The following ITFG2 variants were observed in gnomAD, a reference collection of about 807,000 sequenced individuals.
ITFG2 encodes KICSTOR complex protein ITFG2.
A neutral mutation model predicts 54.4 loss-of-function variants in ITFG2; 36 were observed. The ratio of observed to expected loss-of-function variants is 0.66; its 90% CI spans 0.51 to 0.87. ITFG2 has a LOEUF of 0.87. ITFG2 is among the 40% of genes least tolerant of loss of function. The probability of loss-of-function intolerance (pLI) is 0.00; values close to 1 mark genes in which losing one functional copy is unlikely to be tolerated. For synonymous variants in ITFG2, 211 were observed against 225.4 expected (o/e 0.94, Z 0.57); for missense variants, 524 against 576.7 (o/e 0.91, Z 0.94).
intron 2 of ITFG2, among the ~76,000 whole-genome samples, chr12:2,847,697 A>G (rs1603486448): frequency 6.7e-6 from 1 of 149,850 alleles, no homozygotes; most frequent in Non-Finnish European, 1.5e-5. Context: ...CAAAAAAATC[A>G]CTGACTCCCC....
chr12:2,813,704 C>G (rs1317334562), intron 1 of ITFG2, among the ~76,000 whole-genome samples: 2 of 152,114 alleles, frequency 1.3e-5, no homozygotes, highest in Non-Finnish European at 1.5e-5. Flanking sequence ...TACCCTCTGC[C>G]CTATCTTCCT....
chr12:2,838,948 G>A (rs1215030320), intron 1 of ITFG2, among the ~76,000 whole-genome samples: 2 of 151,774 alleles, frequency 1.3e-5, no homozygotes, highest in East Asian at 3.9e-4. Context: ...GCCCATGACA[G>A]CTCAGTCTCC....
chr12:2,827,468 T>C, downstream of ITFG2: 1 of 985,388 alleles, frequency 1.0e-6, no homozygotes, highest in Non-Finnish European at 1.2e-6. The surrounding 1 kb of genome is among the most constrained non-coding windows in gnomAD (Gnocchi z 4.0). Flanking sequence ...GTTCTCTTGA[T>C]TTTTCACTTG....
Position 2,820,074 on chromosome 12 carries a change from T to G in ITFG2, c.407-12T>G, listed in dbSNP as rs1222316702. On this transcript the variant is annotated splice_polypyrimidine_tract_variant and intron_variant, in intron 4 of 11. Transcript: ENST00000228799. The stretch of plus-strand genomic sequence containing the variant: ...GGGACTCCAGAGCCCATCTTGTCTT[T>G]CATGCCCACAGATGGAGATGGGTGT... 1 of 1,598,908 alleles carries G rather than the reference T, an allele frequency of 6.3e-7. No homozygotes were observed. Among genetic ancestry groups the G allele is most frequent in the African/African-American group, 1.3e-5 (1 of 74,444 alleles).
At chr12:2,820,660 C>CCCCCGGGGG in intron 5 of ITFG2, 64 bp from the exon 6 acceptor site, 1 of 1,227,972 alleles carries the variant, frequency 8.1e-7, no homozygotes, top group Non-Finnish European at 1.2e-6. Context: ...CGCCCCCTGC[C>CCCCCGGGGG]GTTCTCTGCA....
Position 2,824,278 on chromosome 12 carries a change from G to T in ITFG2, c.*85G>T. 7.5e-7 allele frequency: 1 copy of T among 1,341,454 alleles called. No homozygotes were observed. The highest frequency in any genetic ancestry group is 1.2e-5 in the South Asian group (1 of 84,602). The allele number at this position is 1,341,454 out of a possible 1,614,324, so 83.1% of individuals were successfully genotyped here. On this transcript the variant is annotated 3_prime_UTR_variant, in exon 12 of 12. Transcript: ENST00000228799. ...GTATCTGTGGTATTGGCAGGATAGG[G>T]AATATGCATTACAGAAATGCAGGAT...
intron 2 of ITFG2, chr12:2,830,707 C>T (rs1301943915): frequency 6.2e-7 from 1 of 1,609,292 alleles, no homozygotes; most frequent in Non-Finnish European, 8.5e-7. Context: ...AGGCCTCTCA[C>T]CTTGCAGTTG....
chr12:2,832,559 C>G (rs535566142), upstream of ITFG2, among the ~76,000 whole-genome samples: 1 of 152,004 alleles, frequency 6.6e-6, no homozygotes, highest in South Asian at 2.1e-4. Context: ...AGGATGTACC[C>G]TCTCCAGGAT....
intron 2 of ITFG2, among the ~76,000 whole-genome samples, chr12:2,848,377 G>A (rs1333785524): frequency 6.6e-6 from 1 of 152,158 alleles, no homozygotes; most frequent in Non-Finnish European, 1.5e-5. Context: ...ACACCATTCT[G>A]ACTGTTGCTT....
chr12:2,850,405 A>G (rs1268212768), intron 2 of ITFG2, among the ~76,000 whole-genome samples: 1 of 141,124 alleles, frequency 7.1e-6, no homozygotes, highest in Non-Finnish European at 1.5e-5. Context: ...ACCCGGGAGG[A>G]GGAGGTTGCA....
At chr12:2,819,757 GA>G (rs112425431) in intron 4 of ITFG2, 6,299 of 180,196 alleles carry the variant, frequency 0.035, 14 homozygotes, top group Middle Eastern at 0.053. Flanking sequence ...AACATTTGGT[GA>G]AAAAAAAAAA....
In ITFG2 at chr12:2,848,329, A is replaced by C. The variant is rs114853668; in HGVS notation, n.300+7334A>C. ...CTTCTTCCCCTCCAGCCACCTTCCC[A>C]TCACCCTCCCCAACCATCTCCACCC... On this transcript the variant is annotated intron_variant and non_coding_transcript_variant, in intron 2 of 3. Coordinates refer to the ITFG2 transcript ENST00000537710. 5.2e-3 allele frequency among the ~76,000 whole-genome samples: 793 copies of C among 152,136 alleles called. 9 individuals are homozygous for C. Among genetic ancestry groups the C allele is most frequent in the African/African-American group, 0.017 (706 of 41,514 alleles).
At chr12:2,834,555 C>T, upstream of ITFG2, 1 of 1,502,160 alleles carries the variant, frequency 6.7e-7, no homozygotes. Context: ...TGAGGGTCTG[C>T]ACTTTCTGGT....
At chr12:2,839,788 A>G (rs2098036615) in intron 1 of ITFG2, among the ~76,000 whole-genome samples, 1 of 152,216 alleles carries the variant, frequency 6.6e-6, no homozygotes, top group African/African-American at 2.4e-5. Flanking sequence ...AAATAACAAA[A>G]TCATGTCCTC....
chr12:2,847,556 A>T (rs1486412520), intron 2 of ITFG2, among the ~76,000 whole-genome samples: 1 of 151,730 alleles, frequency 6.6e-6, no homozygotes, highest in Non-Finnish European at 1.5e-5. Context: ...AGTCCCAGCT[A>T]CTCGGGAGGC....
At position 2,824,068 on chromosome 12, in the gene ITFG2, C is replaced by T. The variant is rs551951611; in HGVS notation, c.1241-22C>T. The T allele has an allele frequency of 8.7e-6, 14 of 1,614,008 alleles. 1 individual carries two copies. The South Asian group carries it at 1.4e-4, about 16-fold the overall frequency. On this transcript the variant is annotated intron_variant, in intron 11 of 11. Coordinates refer to ENST00000228799, the MANE Select transcript of ITFG2 (RefSeq NM_018463.4). ...TGCCCAGGAGACCCACAGCCTCTTA[C>T]CCACCCCTTCTTGGCTCTCAGATCC... is the stretch of plus-strand genomic sequence containing the variant.
intron 2 of ITFG2, chr12:2,855,373 G>A: frequency 3.1e-6 from 4 of 1,278,868 alleles, no homozygotes; most frequent in Non-Finnish European, 4.1e-6. Context: ...GAACTCCCAG[G>A]ACTCGCTGGG....
At chr12:2,819,141 C>A (rs2097933331) in intron 4 of ITFG2, among the ~76,000 whole-genome samples, 1 of 152,030 alleles carries the variant, frequency 6.6e-6, no homozygotes, top group South Asian at 2.1e-4. Context: ...CCAGCCTGAC[C>A]AACATAGTGA....
intron 2 of ITFG2, chr12:2,849,363 C>T (rs752558497): frequency 1.2e-5 from 18 of 1,536,064 alleles, no homozygotes; most frequent in Non-Finnish European, 1.6e-5. Flanking sequence ...GGTCCTGGCT[C>T]AGGGGCGCGC....
Sources: gnomAD v4.1 joint callset for allele counts (sites outside exome capture counted in the v4.1 genomes callset) on GRCh38, gnomAD v4.1.1 for gene constraint, Gnocchi (gnomAD v3.1) non-coding constraint, MANE v1.5 for transcripts, NCBI Gene and HGNC (gene_info 2026-07-23, HGNC 2026-07-21) for gene names.